The following GABRB3 variants were observed in gnomAD, a reference collection of about 807,000 sequenced individuals.
GABRB3 encodes the protein gamma-aminobutyric acid type A receptor subunit beta3.
A neutral mutation model predicts 52.1 loss-of-function variants in GABRB3; 14 were observed. The ratio of observed to expected loss-of-function variants is 0.27; its 90% confidence interval spans 0.18 to 0.42. The LOEUF (loss-of-function observed/expected upper bound fraction) is 0.42, where lower values mean the gene tolerates loss of function less well. GABRB3 is among the 10% of genes least tolerant of loss of function. The probability of loss-of-function intolerance (pLI) is 1.00; values close to 1 mark genes in which losing one functional copy is unlikely to be tolerated. For missense variants in GABRB3, 307 were observed against 609.1 expected (o/e 0.50, Z 5.22); for synonymous variants, 260 against 232.3 (o/e 1.12, Z -1.08).
Position 26,547,718 on chromosome 15 carries a change from GTA to G in GABRB3, c.*73_*74del, listed in dbSNP as rs926408094. The G allele has an allele frequency of 8.8e-6, 10 of 1,130,584 alleles. No individual in the cohort carries two copies. The highest frequency in any genetic ancestry group is 1.3e-5 in the Non-Finnish European group (10 of 746,814). The allele number at this position is 1,130,584 out of a possible 1,614,324, so 70.0% of individuals were successfully genotyped here. A position where few individuals can be genotyped will look rare whatever the true frequency, so the allele number is the denominator to read the frequency against. ...TGCTTGTGTGTCTGTGTGTGTACAG[GTA>G]TAAAAACTTGACAGGCAGAGTAATA... is the stretch of plus-strand genomic sequence containing the variant. On this transcript the variant is annotated 3_prime_UTR_variant, in exon 9 of 9. Coordinates refer to ENST00000311550, the MANE Select transcript of GABRB3 (RefSeq NM_000814.6).
rs528148328 is a variant in GABRB3 at position 26,579,570 on chromosome 15, T to C, written c.682+749A>G. Among the ~76,000 whole-genome samples, 409 of 152,350 alleles carry C rather than the reference T, an allele frequency of 2.7e-3. 2 individuals carry two copies. The highest frequency in any genetic ancestry group is 3.3e-3 in the Non-Finnish European group (222 of 68,024). On this transcript the variant is annotated intron_variant, in intron 6 of 8. Transcript: ENST00000311550. ...GCTACATGAACAGCTCTGCCTTCTC[T>C]TAGCATTTTCAACCAAGAGTTGGTG... is the stretch of plus-strand genomic sequence containing the variant.
chr15:26,740,211 C>T (rs1284525060), intron 3 of GABRB3, among the ~76,000 whole-genome samples: 1 of 152,062 alleles, frequency 6.6e-6, no homozygotes, highest in Non-Finnish European at 1.5e-5. Flanking sequence ...AGGCTGGTGT[C>T]TCTGTTCTGT....
At chr15:26,668,726 A>T (rs1211853876) in intron 3 of GABRB3, among the ~76,000 whole-genome samples, 1 of 152,218 alleles carries the variant, frequency 6.6e-6, no homozygotes, top group Non-Finnish European at 1.5e-5. Flanking sequence ...AAGGGGAGTA[A>T]ATTGTATGAC....
At chr15:26,556,396 G>A (rs1339027353) in intron 8 of GABRB3, among the ~76,000 whole-genome samples, 1 of 152,202 alleles carries the variant, frequency 6.6e-6, no homozygotes, top group Non-Finnish European at 1.5e-5. Context: ...CTTGCCACGT[G>A]AAGAATGAAA....
intron 8 of GABRB3, among the ~76,000 whole-genome samples, chr15:26,554,752 G>A (rs995442749): frequency 1.3e-5 from 2 of 152,208 alleles, no homozygotes; most frequent in African/African-American, 4.8e-5. Flanking sequence ...CTGGGCACAT[G>A]GGACGTGAGT....
At chr15:26,739,152 G>T (rs895292982) in intron 3 of GABRB3, among the ~76,000 whole-genome samples, 1 of 152,054 alleles carries the variant, frequency 6.6e-6, no homozygotes, top group South Asian at 2.1e-4. Context: ...ACACTGGGAG[G>T]CGGATAGGGC....
chr15:26,585,970 G>T (rs1890967770), intron 4 of GABRB3, among the ~76,000 whole-genome samples: 2 of 152,108 alleles, frequency 1.3e-5, no homozygotes, highest in South Asian at 4.1e-4. Context: ...CACTGACAAT[G>T]TTCAAATTTT....
chr15:26,643,139 G>A (rs1647067595), intron 3 of GABRB3, among the ~76,000 whole-genome samples: 1 of 152,172 alleles, frequency 6.6e-6, no homozygotes, highest in Non-Finnish European at 1.5e-5. Flanking sequence ...TTAATGGCCA[G>A]CAAGATCCTG....
intron 3 of GABRB3, among the ~76,000 whole-genome samples, chr15:26,664,858 G>A (rs1028737618): frequency 1.3e-5 from 2 of 151,582 alleles, no homozygotes; most frequent in African/African-American, 2.4e-5. Context: ...GTAACACCAC[G>A]CCCAGCTAAT....
intron 3 of GABRB3, among the ~76,000 whole-genome samples, chr15:26,746,846 G>A (rs866449049): frequency 6.6e-6 from 1 of 152,070 alleles, no homozygotes; most frequent in African/African-American, 2.4e-5. Flanking sequence ...AATTAGCCGG[G>A]CGTGGTGGCG....
intron 3 of GABRB3, chr15:26,624,380 G>T (rs1206190233): frequency 4.1e-6 from 4 of 985,436 alleles, no homozygotes; most frequent in Non-Finnish European, 4.8e-6. Flanking sequence ...TCCTAACCCC[G>T]CATGCTTACG....
chr15:26,759,362 G>A (rs554006476), intron 3 of GABRB3, among the ~76,000 whole-genome samples: 256 of 152,296 alleles, frequency 1.7e-3, no homozygotes, highest in African/African-American at 6.0e-3. Context: ...GCCAGTTCAA[G>A]CAATTCTCCT....
chr15:26,720,271 G>A (rs1889608905), intron 3 of GABRB3, among the ~76,000 whole-genome samples: 1 of 152,070 alleles, frequency 6.6e-6, no homozygotes, highest in Non-Finnish European at 1.5e-5. Context: ...CCTGCACCCA[G>A]GTGATTAAAA....
intron 6 of GABRB3, among the ~76,000 whole-genome samples, chr15:26,568,716 CA>C (rs1890280920): frequency 6.9e-6 from 1 of 143,914 alleles, no homozygotes; most frequent in South Asian, 2.3e-4. Flanking sequence ...AGGGTTTCAC[CA>C]TATTGGCCAG....
In GABRB3 at chr15:26,634,985, A is replaced by AATATAT. The variant is rs1555372933; in HGVS notation, c.241-13457_241-13452dup. On this transcript the variant is annotated intron_variant, in intron 3 of 8. Coordinates refer to ENST00000311550, the MANE Select transcript of GABRB3 (RefSeq NM_000814.6). Reference sequence around the variant, plus strand: ...TAAGTAAGAGATATATGTATCTCTAAATATATATATATATATATATATATA... The same window carrying AATATAT: ...TAAGTAAGAGATATATGTATCTCTAAATATATATATATATATATATATATATATATA... Among the ~76,000 whole-genome samples, 29 of 5,848 alleles carry AATATAT rather than the reference A, an allele frequency of 5.0e-3. 1 individual carries two copies. The highest frequency in any genetic ancestry group is 0.012 in the Admixed American group (5 of 406). The allele number at this position is 5,848 out of a possible 152,430, so 3.8% of individuals were successfully genotyped here. A position where few individuals can be genotyped will look rare whatever the true frequency, so the allele number is the denominator to read the frequency against.
At position 26,547,658 on chromosome 15, in the gene GABRB3, A is replaced by G; in HGVS notation, c.*135T>C. On this transcript the variant is annotated 3_prime_UTR_variant, in exon 9 of 9. Coordinates refer to ENST00000311550, the MANE Select transcript of GABRB3 (RefSeq NM_000814.6). ...ATATATATGCTGAGAAAGTTCACAT[A>G]TATATACAATTGCGTATGTATATAT... 2.9e-6 allele frequency: 2 copies of G among 685,500 alleles called. No individual in the cohort carries two copies. Among genetic ancestry groups the G allele is most frequent in the East Asian group, 2.7e-5 (1 of 37,120 alleles). 42.5% of individuals were successfully genotyped at this position (685,500 alleles called of 1,614,324 possible).
intron 3 of GABRB3, among the ~76,000 whole-genome samples, chr15:26,757,889 C>G (rs992108653): frequency 6.6e-6 from 1 of 152,176 alleles, no homozygotes; most frequent in Non-Finnish European, 1.5e-5. Flanking sequence ...GTTAACAGCA[C>G]TTCACTGTGA....
intron 4 of GABRB3, among the ~76,000 whole-genome samples, chr15:26,620,586 T>C (rs1200865183): frequency 1.3e-5 from 2 of 152,050 alleles, no homozygotes; most frequent in East Asian, 1.9e-4. Context: ...AAAATACTGT[T>C]CTAAATAAAA....
At chr15:26,765,981 C>T (rs1890985870) in intron 3 of GABRB3, among the ~76,000 whole-genome samples, 1 of 152,130 alleles carries the variant, frequency 6.6e-6, no homozygotes, top group Non-Finnish European at 1.5e-5. Context: ...ATTTCTGAGC[C>T]TATTTCCTCA....
Sources: allele counts gnomAD v4.1 joint callset (sites outside exome capture counted in the v4.1 genomes callset), GRCh38; gene constraint gnomAD v4.1.1; transcripts MANE v1.5; gene names NCBI Gene and HGNC (gene_info 2026-07-23, HGNC 2026-07-21).